Variants in SV2C observed in about 807,000 individuals in gnomAD.
SV2C encodes solute carrier family 22 member B3.
A neutral mutation model predicts 79.7 loss-of-function variants in SV2C; 49 were observed. The observed-to-expected ratio is 0.61, with a 90% CI of 0.49 to 0.78. SV2C has a LOEUF of 0.78. Among genes scored for constraint, SV2C ranks in the 30% least tolerant of loss-of-function variants. The pLI, the probability that SV2C is intolerant of heterozygous loss-of-function variation, is 0.00. For missense variants in SV2C, 833 were observed against 912.9 expected, an observed-to-expected ratio of 0.91 and a Z score of 1.13; for synonymous variants, 334 against 333.2, an observed-to-expected ratio of 1.00 and a Z score of -0.03.
the SV2C span, among the ~76,000 whole-genome samples, chr5:75,900,160 C>T: frequency 2.9e-4 from 44 of 152,254 alleles, no homozygotes; most frequent in African/African-American, 1.4e-4. Context: ...TTCCTAGCCT[C>T]GATGGTCTTT....
the SV2C span, among the ~76,000 whole-genome samples, chr5:75,879,084 A>G: frequency 5.3e-5 from 8 of 152,186 alleles, no homozygotes; most frequent in Admixed American, 1.3e-4. Flanking sequence ...CGCCAAGGGT[A>G]TGGCGCTAAG....
At chr5:75,873,890 C>T in the SV2C span, among the ~76,000 whole-genome samples, 14 of 152,086 alleles carry the variant, frequency 9.2e-5, no homozygotes, top group East Asian at 2.3e-3. Flanking sequence ...CAATATCAAG[C>T]TCTGAAAATG....
chr5:75,918,302 T>G, the SV2C span, among the ~76,000 whole-genome samples: 2,428 of 152,308 alleles, frequency 0.016, 56 homozygotes, highest in African/African-American at 0.053. Context: ...GCAGACAAAT[T>G]TCTTTTTGGT....
chr5:75,944,430 A>T, the SV2C span, among the ~76,000 whole-genome samples: 3,989 of 152,248 alleles, frequency 0.026, 174 homozygotes, highest in African/African-American at 0.091. Context: ...AATTTTTATT[A>T]CAAAAATTCC....
At chr5:75,868,525 T>C in the SV2C span, among the ~76,000 whole-genome samples, 216 of 152,256 alleles carry the variant, frequency 1.4e-3, 1 homozygote, top group African/African-American at 4.2e-3. Flanking sequence ...ACAAAAAAAC[T>C]TGGCTGCTTG....
the SV2C span, among the ~76,000 whole-genome samples, chr5:75,929,023 T>C: frequency 6.6e-6 from 1 of 152,148 alleles, no homozygotes; most frequent in African/African-American, 2.4e-5. Flanking sequence ...ATCTCTGCCA[T>C]TTTGCACTCA....
intron 4 of SV2C, among the ~76,000 whole-genome samples, chr5:76,272,011 G>A (rs1047469182): frequency 3.9e-5 from 6 of 152,058 alleles, no homozygotes; most frequent in Non-Finnish European, 7.4e-5. Flanking sequence ...AAACTCTAAG[G>A]GTCATTTTGG....
chr5:75,969,514 C>G, the SV2C span, among the ~76,000 whole-genome samples: 4,292 of 152,066 alleles, frequency 0.028, 179 homozygotes, highest in African/African-American at 0.09. Flanking sequence ...AAAAGGCAGG[C>G]ATTGCAATCC....
chr5:75,892,147 A>G, the SV2C span, among the ~76,000 whole-genome samples: 1 of 152,040 alleles, frequency 6.6e-6, no homozygotes, highest in Non-Finnish European at 1.5e-5. Context: ...CTTACCTCAG[A>G]GGCTAAAGGA....
intron 4 of SV2C, among the ~76,000 whole-genome samples, chr5:76,266,706 G>C (rs1374564480): frequency 1.3e-5 from 2 of 152,102 alleles, no homozygotes; most frequent in African/African-American, 4.8e-5. Context: ...TTCAGTTTGG[G>C]ATGATGGAAA....
At position 76,152,781 on chromosome 5, in the gene SV2C, C is replaced by T. The variant is rs181475672; in HGVS notation, c.580+20451C>T. 5.9e-5 allele frequency among the ~76,000 whole-genome samples: 9 copies of T among 152,302 alleles called. No individual in the cohort carries two copies. The East Asian group carries it at 1.7e-3, about 29-fold the overall frequency. Reference sequence around the variant, plus strand: ...ATCAGTAAAGAATTCTTCTGCCCCCCAGCCCCTCCCAACACTGGGCACACT... The same window carrying T: ...ATCAGTAAAGAATTCTTCTGCCCCCTAGCCCCTCCCAACACTGGGCACACT... On this transcript the variant is annotated intron_variant, in intron 2 of 12. Transcript: ENST00000502798.
At chr5:76,079,178 C>T (rs775171889), upstream of SV2C, 93 of 336,266 alleles carry the variant, frequency 2.8e-4, no homozygotes, top group Middle Eastern at 5.8e-4. Flanking sequence ...GATGTTGATT[C>T]GGCAGAGTGA....
chr5:76,311,787 G>A (rs1388405172), intron 12 of SV2C, among the ~76,000 whole-genome samples: 5 of 152,154 alleles, frequency 3.3e-5, no homozygotes, highest in Non-Finnish European at 7.3e-5. Flanking sequence ...CTGGTGTGGG[G>A]GAGCTTCCTT....
chr5:76,301,305 G>C, intron 11 of SV2C, 81 bp from the exon 12 acceptor site: 1 of 1,553,610 alleles, frequency 6.4e-7, no homozygotes, highest in South Asian at 1.2e-5. Context: ...CAGTTTTCTT[G>C]AGCAATCCCA....
At chr5:75,879,817 A>G in the SV2C span, among the ~76,000 whole-genome samples, 2 of 152,130 alleles carry the variant, frequency 1.3e-5, no homozygotes, top group Non-Finnish European at 2.9e-5. Flanking sequence ...GCCCTAGTAG[A>G]GTTTCTCTGT....
At chr5:76,136,140 T>A (rs1275018560) in intron 2 of SV2C, among the ~76,000 whole-genome samples, 1 of 152,236 alleles carries the variant, frequency 6.6e-6, no homozygotes, top group African/African-American at 2.4e-5. Flanking sequence ...AAGCAACATA[T>A]TCTAACCCCA....
upstream of SV2C, among the ~76,000 whole-genome samples, chr5:76,082,699 C>A (rs770159681): frequency 1.3e-5 from 2 of 150,772 alleles, no homozygotes; most frequent in Non-Finnish European, 1.5e-5. Flanking sequence ...TGCCTGTGAG[C>A]CCAGCTGTCT....
At chr5:75,958,761 C>T in the SV2C span, among the ~76,000 whole-genome samples, 1 of 151,848 alleles carries the variant, frequency 6.6e-6, no homozygotes, top group Non-Finnish European at 1.5e-5. Context: ...ATGAGGGAAG[C>T]CCTCTCCCTC....
intron 2 of SV2C, among the ~76,000 whole-genome samples, chr5:76,175,075 G>A (rs1205700785): frequency 6.6e-6 from 1 of 152,178 alleles, no homozygotes; most frequent in Non-Finnish European, 1.5e-5. Flanking sequence ...GAAGGAGAGG[G>A]GGCATGGTGA....
Sources: gnomAD v4.1 joint callset for allele counts (sites outside exome capture counted in the v4.1 genomes callset) on GRCh38, gnomAD v4.1.1 for gene constraint, MANE v1.5 for transcripts, NCBI Gene and HGNC (gene_info 2026-07-23, HGNC 2026-07-21) for gene names.